The following DGKK variants were observed in gnomAD, a reference collection of about 807,000 sequenced individuals.
The protein encoded by DGKK is 142 kDa diacylglycerol kinase.
Under a neutral mutation model 92.2 loss-of-function variants are expected in DGKK, and 35 were observed. The observed-to-expected ratio is 0.38, with a 90% CI of 0.29 to 0.50. DGKK has a LOEUF of 0.50. DGKK is among the 20% of genes least tolerant of loss of function. DGKK has a pLI of 0.92. For missense variants in DGKK, 910 were observed against 992.2 expected (o/e 0.92, Z 1.11); for synonymous variants, 368 against 360.6 (o/e 1.02, Z -0.23).
In DGKK at chrX:50,424,259, G is replaced by A. The variant is rs186935944; in HGVS notation, c.745C>T (p.His249Tyr). 1 of 1,208,474 alleles carries A rather than the reference G, an allele frequency of 8.3e-7. No homozygotes were observed. Among genetic ancestry groups the A allele is most frequent in the African/African-American group, 1.7e-5 (1 of 57,282 alleles). The change falls in exon 2 of 28, where the codon CAC (histidine) becomes TAC (tyrosine). Residue 249 changes from histidine to tyrosine, a missense_variant. Transcript: ENST00000611977. ...LVQGQKLYFA[H>Y]HPAFAHFETI... is the part of the protein sequence containing the mutation. ...ATGCTATACATTACCGCGGGATGGT[G>A]TGCAAAGTAGAGCTTCTGTCCTTGA...
At position 50,470,442 on chromosome X, in the gene DGKK, T is replaced by C. The variant is rs781947648; in HGVS notation, c.237A>G (p.Thr79=). ...CTGTGGCTGGTTCTGGGGTCGGTTC[T>C]GTGTACAGTTCTGTGGCTGATTCTG... ...ATSESATELY[T]EPTPEPATEP... Residue 79 remains threonine (T), a synonymous_variant, in exon 1 of 28, where the codon ACA becomes ACG. Transcript: ENST00000611977. 1.9e-5 allele frequency: 23 copies of C among 1,211,200 alleles called. No individual in the cohort carries two copies. The African/African-American group carries it at 2.6e-4, about 14-fold the overall frequency.
chrX:50,388,170 C>T (rs781991370), intron 13 of DGKK, among the ~76,000 whole-genome samples: 82 of 111,996 alleles, frequency 7.3e-4, no homozygotes, highest in Non-Finnish European at 1.4e-3. Flanking sequence ...TATGAGAAAG[C>T]AGCTATAGGC....
chrX:50,442,344 G>T (rs1394460544), intron 1 of DGKK, among the ~76,000 whole-genome samples: 1 of 111,566 alleles, frequency 9.0e-6, no homozygotes, highest in Non-Finnish European at 1.9e-5. Context: ...CCACAACTGA[G>T]AACTGATGAT....
rs1230256248 is a variant in DGKK, at chrX:50,375,080, G to A, written c.3415-23C>T. 3.5e-6 allele frequency: 4 copies of A among 1,151,239 alleles called. No individual in the cohort carries two copies. In the East Asian group the frequency reaches 1.2e-4, roughly 35 times the overall value. 94.9% of individuals were successfully genotyped at this position (1,151,239 alleles called of 1,213,427 possible). A position where few individuals can be genotyped will look rare whatever the true frequency, so the allele number is the denominator to read the frequency against. On this transcript the variant is annotated intron_variant, in intron 24 of 27. Transcript: ENST00000611977. ...AGTCTGAGAGGAAAAGAACGGAAAA[G>A]GAGAGAAAAAGACAAAGACAGGGGA...
intron 1 of DGKK, among the ~76,000 whole-genome samples, chrX:50,466,017 C>CTTTTTTTTTTTTTTTT (rs72090197): frequency 9.3e-5 from 4 of 42,795 alleles, no homozygotes; most frequent in Admixed American, 4.1e-4. Flanking sequence ...TTTCTTTTTT[C>CTTTTTTTTTTTTTTTT]TTTTTTTTTT....
intron 4 of DGKK, among the ~76,000 whole-genome samples, chrX:50,415,849 T>C (rs1557228476): frequency 8.9e-6 from 1 of 112,178 alleles, no homozygotes; most frequent in Non-Finnish European, 1.9e-5. Context: ...CTGATGTAAA[T>C]GATATTTAGA....
intron 4 of DGKK, among the ~76,000 whole-genome samples, chrX:50,414,743 C>T (rs1207138316): frequency 9.0e-6 from 1 of 111,383 alleles, no homozygotes; most frequent in Non-Finnish European, 1.9e-5. Context: ...GTGTGAAAGA[C>T]CCACTATTTG....
chrX:50,386,686 T>C, intron 14 of DGKK, 100 bp from the exon 15 acceptor site: 3 of 691,665 alleles, frequency 4.3e-6, no homozygotes, highest in Non-Finnish European at 6.4e-6. Context: ...TAGGGAGGGG[T>C]AAGAGTTGTC....
intron 27 of DGKK, among the ~76,000 whole-genome samples, chrX:50,369,600 T>C (rs1924067746): frequency 9.2e-6 from 1 of 108,163 alleles, no homozygotes; most frequent in African/African-American, 3.4e-5. Context: ...CTCACTCTAT[T>C]GCCCAAGCTG....
At chrX:50,429,585 A>C (rs1191890758) in intron 1 of DGKK, among the ~76,000 whole-genome samples, 3 of 110,900 alleles carry the variant, frequency 2.7e-5, no homozygotes, top group Non-Finnish European at 5.7e-5. Context: ...GCTACTTGGG[A>C]GGCTGAGGCA....
At chrX:50,397,157 T>C (rs1924874169) in intron 8 of DGKK, among the ~76,000 whole-genome samples, 1 of 111,910 alleles carries the variant, frequency 8.9e-6, no homozygotes, top group African/African-American at 3.3e-5. Flanking sequence ...GGGGACTTAG[T>C]TGACTTTAAG....
chrX:50,413,859 A>G (rs1925361684), intron 4 of DGKK, among the ~76,000 whole-genome samples: 1 of 112,081 alleles, frequency 8.9e-6, no homozygotes, highest in Non-Finnish European at 1.9e-5. Context: ...ATTTCTAGGT[A>G]TATGTGAAAA....
At position 50,404,157 on chromosome X, in the gene DGKK, G is replaced by A. The variant is rs1173649948; in HGVS notation, c.970C>T (p.Leu324Phe). 1 of 1,208,893 alleles carries A rather than the reference G, an allele frequency of 8.3e-7. No homozygotes were observed. The highest frequency in any genetic ancestry group is 1.8e-5 in the South Asian group (1 of 56,231). Reference sequence around the variant, plus strand: ...GAGTACCAACAATGCATTCCAACAAGAAAAGGGTTGTTTTCTGCTGCAGGT... The same window carrying A: ...GAGTACCAACAATGCATTCCAACAAAAAAAGGGTTGTTTTCTGCTGCAGGT... ...KIPAAENNPFLVGMHCWYSSY... is the reference protein window; with the variant it reads ...KIPAAENNPFFVGMHCWYSSY... Residue 324 changes from leucine (L) to phenylalanine (F), a missense_variant, in exon 5 of 28, where the codon CTT becomes TTT. Physicochemically the swap from Leu to Phe is conservative, Grantham distance 22. Transcript: ENST00000611977.
chrX:50,424,867 A>G (rs1557229537), intron 1 of DGKK, among the ~76,000 whole-genome samples: 1 of 111,498 alleles, frequency 9.0e-6, no homozygotes, highest in Admixed American at 9.5e-5. Flanking sequence ...TCCAGTCTTT[A>G]CCATGGTTTG....
At position 50,378,247 on chromosome X, in the gene DGKK, G is replaced by A; in HGVS notation, c.2977-15C>T. 8.3e-7 allele frequency: 1 copy of A among 1,204,030 alleles called. No individual in the cohort carries two copies. Among genetic ancestry groups the A allele is most frequent in the Non-Finnish European group, 1.1e-6 (1 of 891,732 alleles). Reference sequence around the variant, plus strand: ...ACCTCATGGCACTGCCAGAGAAAATGAGGAAGAATGGGAGAGAAAAATGGG... The same window carrying A: ...ACCTCATGGCACTGCCAGAGAAAATAAGGAAGAATGGGAGAGAAAAATGGG... On this transcript the variant is annotated splice_polypyrimidine_tract_variant and intron_variant, in intron 21 of 27. Transcript: ENST00000611977.
intron 1 of DGKK, among the ~76,000 whole-genome samples, chrX:50,462,580 T>C (rs1194345281): frequency 9.1e-6 from 1 of 109,469 alleles, no homozygotes; most frequent in African/African-American, 3.3e-5. Context: ...GTCCATTGAT[T>C]TTAGTAAAGT....
chrX:50,372,671 CT>C (rs1204588258), intron 25 of DGKK, among the ~76,000 whole-genome samples: 2 of 112,154 alleles, frequency 1.8e-5, no homozygotes, highest in Admixed American at 9.4e-5. Flanking sequence ...ACAAGATGAA[CT>C]TTGTACAGTC....
At chrX:50,459,423 C>T (rs1398214431) in intron 1 of DGKK, among the ~76,000 whole-genome samples, 1 of 110,418 alleles carries the variant, frequency 9.1e-6, no homozygotes, top group Non-Finnish European at 1.9e-5. Flanking sequence ...GAAAAAAAGA[C>T]AGAGAAATTC....
chrX:50,400,947 G>T, intron 8 of DGKK, 90 bp downstream of exon 8: 1 of 849,655 alleles, frequency 1.2e-6, no homozygotes, highest in Non-Finnish European at 1.7e-6. Flanking sequence ...ACTGGTTGAG[G>T]AGAATAATTT....
Sources: allele counts gnomAD v4.1 joint callset (sites outside exome capture counted in the v4.1 genomes callset), GRCh38; gene constraint gnomAD v4.1.1; transcripts MANE v1.5; gene names NCBI Gene and HGNC (gene_info 2026-07-23, HGNC 2026-07-21).